The following GABRG1 variants were observed in gnomAD, a reference collection of about 807,000 sequenced individuals.
GABRG1 encodes the protein gamma-aminobutyric acid receptor subunit gamma-1.
Under a neutral mutation model 49.8 loss-of-function variants are expected in GABRG1, and 49 were observed. The observed-to-expected ratio is 0.98, with a 90% CI of 0.78 to 1.25. GABRG1 has a LOEUF of 1.25. Ranked by LOEUF, GABRG1 falls within the 50% of genes most tolerant of loss-of-function variation. The pLI is 0.00. For missense variants in GABRG1, 552 were observed against 552.3 expected (o/e 1.00, Z 0.01); for synonymous variants, 232 against 185.1 (o/e 1.25, Z -2.06).
rs558763596 is a variant in GABRG1, at chr4:46,089,681, G to A, written c.254-5628C>T. Among the ~76,000 whole-genome samples the A allele has an allele frequency of 1.1e-4, 17 of 152,094 alleles. No individual in the cohort carries two copies. In the East Asian group the frequency reaches 3.3e-3, roughly 29 times the overall value. ...AAAGTTGTTAAGAAGTAGGAAAATA[G>A]GCTAGGCATGGTGGCTTCTGCCAGT... On this transcript the variant is annotated intron_variant, in intron 2 of 8. Coordinates refer to ENST00000295452, the MANE Select transcript of GABRG1 (RefSeq NM_173536.4).
chr4:46,111,518 G>A (rs1720713914), intron 1 of GABRG1, among the ~76,000 whole-genome samples: 1 of 150,998 alleles, frequency 6.6e-6, no homozygotes, highest in Non-Finnish European at 1.5e-5. Flanking sequence ...GAACAAAAAA[G>A]GAGCCCAAAT....
intron 2 of GABRG1, 35 bp downstream of exon 2, chr4:46,097,166 G>C: frequency 6.4e-7 from 1 of 1,564,958 alleles, no homozygotes. Context: ...ATGTTTAATG[G>C]TCATCAAAAT....
chr4:46,123,783 T>G, intron 1 of GABRG1, 27 bp downstream of exon 1: 1 of 1,524,338 alleles, frequency 6.6e-7, no homozygotes, highest in East Asian at 2.3e-5. Context: ...TAGCAAAGAA[T>G]AGTTTTAAAC....
intron 8 of GABRG1, among the ~76,000 whole-genome samples, chr4:46,047,797 T>C (rs997205764): frequency 3.3e-5 from 5 of 152,076 alleles, no homozygotes; most frequent in African/African-American, 1.2e-4. Flanking sequence ...TTGATCTTTA[T>C]CTTGGACTAT....
Position 46,040,970 on chromosome 4 carries a change from T to G in GABRG1, c.*18A>C, listed in dbSNP as rs763574188. 6.3e-7 allele frequency: 1 copy of G among 1,594,760 alleles called. No homozygotes were observed. Among genetic ancestry groups the G allele is most frequent in the Admixed American group, 1.8e-5 (1 of 56,736 alleles). On this transcript the variant is annotated 3_prime_UTR_variant, in exon 9 of 9. Coordinates refer to ENST00000295452, the MANE Select transcript of GABRG1 (RefSeq NM_173536.4). ...AATTTAGTCAGACTTCTTTTGATTT[T>G]TGCTTATGAAGTAGATTTTATAAGT...
At chr4:46,051,852 G>A (rs1006838885) in intron 7 of GABRG1, among the ~76,000 whole-genome samples, 1 of 151,812 alleles carries the variant, frequency 6.6e-6, no homozygotes, top group South Asian at 2.1e-4. Context: ...TTACTGCGGA[G>A]TGCAAGTTGA....
chr4:46,051,752 A>T, intron 7 of GABRG1, 114 bp from the exon 8 acceptor site: 1 of 600,102 alleles, frequency 1.7e-6, no homozygotes, highest in East Asian at 2.9e-5. Context: ...AAATATGATT[A>T]CTAGTAATTT....
At chr4:46,096,043 A>G (rs1352581588) in intron 2 of GABRG1, among the ~76,000 whole-genome samples, 3 of 151,814 alleles carry the variant, frequency 2.0e-5, no homozygotes. Flanking sequence ...GCTCCCGCTT[A>G]TAAGTGAGAA....
chr4:46,064,517 T>G lies in GABRG1; in HGVS notation c.549A>C (p.Thr183=). The change falls in exon 5 of 9, where the codon ACA becomes ACC. Residue 183 remains threonine, a synonymous_variant. Transcript: ENST00000295452. ...GCTGAAGATAACATTCTGCATTAAT[T>G]GTCAATCTATTTAGATGGAAAGAAA... ...DGRVLYTLRL[T]INAECYLQLH... is the part of the protein sequence containing the mutation. 6.7e-7 allele frequency: 1 copy of G among 1,490,066 alleles called. No homozygotes were observed. Among genetic ancestry groups the G allele is most frequent in the Non-Finnish European group, 9.1e-7 (1 of 1,102,740 alleles). The allele number at this position is 1,490,066 out of a possible 1,614,324, so 92.3% of individuals were successfully genotyped here.
chr4:46,107,377 A>G (rs1720584961), intron 1 of GABRG1, among the ~76,000 whole-genome samples: 2 of 151,274 alleles, frequency 1.3e-5, no homozygotes, highest in African/African-American at 2.4e-5. Flanking sequence ...TTTTAACATG[A>G]TTATACATCT....
In GABRG1 at chr4:46,038,575, A is replaced by T. The variant is rs1392114174; in HGVS notation, c.*2413T>A. 2.6e-5 allele frequency: 4 copies of T among 151,662 alleles called. No individual in the cohort carries two copies. The highest frequency in any genetic ancestry group is 9.7e-5 in the African/African-American group (4 of 41,422). 9.4% of individuals were successfully genotyped at this position (151,662 alleles called of 1,614,324 possible). A position where few individuals can be genotyped will look rare whatever the true frequency, so the allele number is the denominator to read the frequency against. ...GATTTTTTAAAAAAATTATTTCTCA[A>T]GGTGGTGAAACTTATACTTGGAATA... On this transcript the variant is annotated 3_prime_UTR_variant, in exon 9 of 9. Transcript: ENST00000295452.
At position 46,037,491 on chromosome 4, in the gene GABRG1, G is replaced by A. The variant is rs1717576175; in HGVS notation, c.*3497C>T. On this transcript the variant is annotated 3_prime_UTR_variant, in exon 9 of 9. Coordinates refer to ENST00000295452, the MANE Select transcript of GABRG1 (RefSeq NM_173536.4). ...CAGCACTGAGAAGCTGAATAAATTT[G>A]ATGATGTGAAGAAAACTTGGTAGGT... 6.6e-6 allele frequency: 1 copy of A among 151,666 alleles called. No individual in the cohort carries two copies. The highest frequency in any genetic ancestry group is 2.4e-5 in the African/African-American group (1 of 41,382). The allele number at this position is 151,666 out of a possible 1,614,324, so 9.4% of individuals were successfully genotyped here. A position where few individuals can be genotyped will look rare whatever the true frequency, so the allele number is the denominator to read the frequency against.
rs757669737 is a variant in GABRG1, at chr4:46,065,411, A to G, written c.495T>C (p.Asn165=). 1 of 1,613,690 alleles carries G rather than the reference A, an allele frequency of 6.2e-7. No individual in the cohort carries two copies. Among genetic ancestry groups the G allele is most frequent in the South Asian group, 1.1e-5 (1 of 91,072 alleles). The part of the protein sequence containing the change: ...KSDAHWITTP[N]RLLRIWNDGR... ...CATCATTCCAAATTCGAAGCAGACG[A>G]TTAGGAGTTGTTATCCAGTGAGCAT... Residue 165 remains asparagine, a synonymous_variant, in exon 4 of 9, where the codon AAT becomes AAC. Coordinates refer to ENST00000295452, the MANE Select transcript of GABRG1 (RefSeq NM_173536.4).
intron 1 of GABRG1, among the ~76,000 whole-genome samples, chr4:46,118,943 A>G (rs945789573): frequency 6.6e-6 from 1 of 151,436 alleles, no homozygotes; most frequent in East Asian, 1.9e-4. Context: ...ATCTTCCTTC[A>G]TATAATTTCT....
intron 5 of GABRG1, among the ~76,000 whole-genome samples, 200 bp downstream of exon 5, chr4:46,064,241 T>C (rs1013118633): frequency 3.6e-4 from 54 of 152,092 alleles, no homozygotes; most frequent in African/African-American, 1.2e-3. Context: ...TAATAAAATA[T>C]ATGCATTCAT....
intron 7 of GABRG1, among the ~76,000 whole-genome samples, chr4:46,053,174 T>C (rs1718297126): frequency 6.6e-6 from 1 of 151,852 alleles, no homozygotes; most frequent in African/African-American, 2.4e-5. Context: ...AAGGCCATTG[T>C]CAGTTATATT....
chr4:46,098,633 C>T (rs7687001), intron 1 of GABRG1, among the ~76,000 whole-genome samples: 1,790 of 151,756 alleles, frequency 0.012, 39 homozygotes, highest in African/African-American at 0.039. Flanking sequence ...CACGCCAGTC[C>T]GAGATGTTTA....
At chr4:46,108,831 A>G (rs1720637155) in intron 1 of GABRG1, among the ~76,000 whole-genome samples, 1 of 151,096 alleles carries the variant, frequency 6.6e-6, no homozygotes, top group African/African-American at 2.4e-5. Context: ...AGTAAGTGGC[A>G]AAGGAAGAAT....
rs1717520366 is a variant in GABRG1 at position 46,036,274 on chromosome 4, C to G, written c.*4714G>C. The G allele has an allele frequency of 6.6e-6, 1 of 151,610 alleles. No individual in the cohort carries two copies. Among genetic ancestry groups the G allele is most frequent in the African/African-American group, 2.4e-5 (1 of 41,332 alleles). The allele number at this position is 151,610 out of a possible 1,614,324, so 9.4% of individuals were successfully genotyped here. A position where few individuals can be genotyped will look rare whatever the true frequency, so the allele number is the denominator to read the frequency against. ...TTTCTACCTGCAATTCTCTTATTCT[C>G]TTTGTCCAAATATATATATAATTTT... On this transcript the variant is annotated 3_prime_UTR_variant, in exon 9 of 9. Coordinates refer to ENST00000295452, the MANE Select transcript of GABRG1 (RefSeq NM_173536.4).
Sources: gnomAD v4.1 joint callset for allele counts (sites outside exome capture counted in the v4.1 genomes callset) on GRCh38, gnomAD v4.1.1 for gene constraint, MANE v1.5 for transcripts, NCBI Gene and HGNC (gene_info 2026-07-23, HGNC 2026-07-21) for gene names.